Variants in RANBP17 observed in about 807,000 individuals in gnomAD.
The protein encoded by RANBP17 is ran-binding protein 17.
Under a neutral mutation model 141.2 loss-of-function variants are expected in RANBP17, and 158 were observed. The ratio of observed to expected loss-of-function variants is 1.12; its 90% confidence interval spans 0.98 to 1.28. RANBP17 has a LOEUF of 1.28. RANBP17 is among the 50% of genes most tolerant of loss of function. The pLI is 0.00. For synonymous variants in RANBP17, 430 were observed against 450.0 expected (o/e 0.96, Z 0.56); for missense variants, 1,438 against 1,290.7 (o/e 1.11, Z -1.75).
At chr5:170,879,685 A>G (rs141363167) in intron 2 of RANBP17, among the ~76,000 whole-genome samples, 71 of 152,310 alleles carry the variant, frequency 4.7e-4, no homozygotes, top group African/African-American at 1.4e-3. Context: ...GTGTTGAACA[A>G]TGGTGACTTG....
chr5:171,076,547 T>A (rs1019764747), intron 14 of RANBP17, among the ~76,000 whole-genome samples: 1 of 152,216 alleles, frequency 6.6e-6, no homozygotes, highest in Non-Finnish European at 1.5e-5. Flanking sequence ...AAATGTCTGA[T>A]TCAAGATCTA....
At chr5:171,106,484 A>G (rs576795814) in intron 14 of RANBP17, among the ~76,000 whole-genome samples, 79 of 152,214 alleles carry the variant, frequency 5.2e-4, no homozygotes, top group Non-Finnish European at 1.1e-3. Flanking sequence ...TGCACTATAT[A>G]GCCCACCAGT....
At chr5:170,947,501 C>A (rs376999075) in intron 12 of RANBP17, among the ~76,000 whole-genome samples, 110 of 151,286 alleles carry the variant, frequency 7.3e-4, no homozygotes, top group African/African-American at 2.6e-3. Context: ...ATAGGAAATG[C>A]TGGGGGGGAT....
chr5:170,931,164 A>T (rs905493421), intron 12 of RANBP17, among the ~76,000 whole-genome samples: 2 of 152,228 alleles, frequency 1.3e-5, no homozygotes, highest in African/African-American at 2.4e-5. Context: ...ATGGCCAGTG[A>T]TGATGAGCAT....
chr5:171,176,302 C>T (rs959597865), intron 16 of RANBP17, among the ~76,000 whole-genome samples: 4 of 152,078 alleles, frequency 2.6e-5, no homozygotes, highest in Admixed American at 6.6e-5. Context: ...TTCCCAGCTC[C>T]ATTTGTCTTT....
At chr5:171,105,896 C>T (rs937073094) in intron 14 of RANBP17, among the ~76,000 whole-genome samples, 1 of 152,096 alleles carries the variant, frequency 6.6e-6, no homozygotes, top group African/African-American at 2.4e-5. Flanking sequence ...ATTATACATT[C>T]TTACCTTTAT....
At chr5:171,266,212 G>A (rs917653615) in intron 25 of RANBP17, among the ~76,000 whole-genome samples, 12 of 152,220 alleles carry the variant, frequency 7.9e-5, no homozygotes, top group African/African-American at 2.4e-4. Flanking sequence ...TGAATACTCC[G>A]GTATATTGGG....
At chr5:171,085,089 G>C (rs1785546648) in intron 14 of RANBP17, among the ~76,000 whole-genome samples, 1 of 72,110 alleles carries the variant, frequency 1.4e-5, no homozygotes, top group Admixed American at 1.6e-4. Context: ...GGTTTTTATG[G>C]TTTTAGGTCT....
At chr5:170,893,434 A>AT (rs1283131388) in intron 4 of RANBP17, among the ~76,000 whole-genome samples, 2 of 152,136 alleles carry the variant, frequency 1.3e-5, no homozygotes, top group African/African-American at 2.4e-5. Flanking sequence ...ATATATGTAT[A>AT]TATTTTTTCA....
rs543760034 is a variant in RANBP17, at chr5:170,898,394, G to A, written c.489+2279G>A. 5.9e-5 allele frequency among the ~76,000 whole-genome samples: 9 copies of A among 151,936 alleles called. No homozygotes were observed. The East Asian group carries it at 1.7e-3, about 29-fold the overall frequency. The stretch of plus-strand genomic sequence containing the variant: ...GATGGGGTTTTTTTTTCTTGTAAAT[G>A]TGTTTAAGTTCCTTGTAGATTCTGG... On this transcript the variant is annotated intron_variant, in intron 5 of 27. Transcript: ENST00000523189.
chr5:171,298,593 AAC>A (rs1188775973), intron 27 of RANBP17, among the ~76,000 whole-genome samples, 167 bp from the exon 28 acceptor site: 2 of 152,246 alleles, frequency 1.3e-5, no homozygotes, highest in Non-Finnish European at 2.9e-5. Flanking sequence ...CTGGTGGCAG[AAC>A]AGCAATGGCG....
chr5:171,145,207 C>T (rs1472114632), intron 14 of RANBP17, among the ~76,000 whole-genome samples: 1 of 152,048 alleles, frequency 6.6e-6, no homozygotes, highest in African/African-American at 2.4e-5. Flanking sequence ...CCTAAGAAAC[C>T]TAAAGCTCTC....
chr5:171,290,738 T>C (rs2128043321), intron 25 of RANBP17, among the ~76,000 whole-genome samples: 1 of 152,340 alleles, frequency 6.6e-6, no homozygotes, highest in African/African-American at 2.4e-5. Flanking sequence ...TAGATAGTTG[T>C]GAAGAGACTA....
chr5:171,192,265 C>T (rs1761701035), intron 18 of RANBP17, among the ~76,000 whole-genome samples: 1 of 152,062 alleles, frequency 6.6e-6, no homozygotes, highest in African/African-American at 2.4e-5. Flanking sequence ...AAAGAAGCAG[C>T]TGGAAATACT....
Position 171,212,328 on chromosome 5 carries a change from A to G in RANBP17, c.2232-1303A>G, listed in dbSNP as rs546238808. On this transcript the variant is annotated intron_variant, in intron 20 of 27. Transcript: ENST00000523189. ...ATGGTCATGAGTGCTCATTGAACAT[A>G]GATGAGGAAGAGACTGATGCCTTTG... 4.6e-5 allele frequency among the ~76,000 whole-genome samples: 7 copies of G among 152,332 alleles called. No individual in the cohort carries two copies. In the East Asian group the frequency reaches 9.6e-4, roughly 21 times the overall value.
At chr5:170,908,233 G>A (rs1055442577) in intron 5 of RANBP17, among the ~76,000 whole-genome samples, 3 of 151,964 alleles carry the variant, frequency 2.0e-5, no homozygotes, top group Admixed American at 6.6e-5. Context: ...GTTCACTGCA[G>A]TGCTATTCAG....
At chr5:171,063,677 A>G (rs1437917255) in intron 14 of RANBP17, among the ~76,000 whole-genome samples, 6 of 152,232 alleles carry the variant, frequency 3.9e-5, no homozygotes, top group Non-Finnish European at 7.3e-5. Flanking sequence ...TGGGAGAACC[A>G]CTGCTCTCTT....
chr5:171,079,137 T>C (rs812949), intron 14 of RANBP17, among the ~76,000 whole-genome samples: 114,329 of 152,032 alleles, frequency 0.75, 43,171 homozygotes, highest in South Asian at 0.91. Flanking sequence ...CTAACCCTCA[T>C]GGATGACTCT....
At chr5:171,040,173 T>TA (rs1344433068) in intron 14 of RANBP17, among the ~76,000 whole-genome samples, 3 of 152,188 alleles carry the variant, frequency 2.0e-5, no homozygotes, top group Admixed American at 6.5e-5. Flanking sequence ...TAGTTCACCA[T>TA]AATCAAGTAG....
Sources: allele counts gnomAD v4.1 joint callset (sites outside exome capture counted in the v4.1 genomes callset), GRCh38; gene constraint gnomAD v4.1.1; transcripts MANE v1.5; gene names NCBI Gene and HGNC (gene_info 2026-07-23, HGNC 2026-07-21).